SPAG16: variants seen among roughly 807,000 people sequenced by gnomAD.
SPAG16 encodes sperm associated antigen 16.
In SPAG16, 86 loss-of-function variants were observed where a neutral mutation model predicts 80.4. The observed-to-expected ratio is 1.07, with a 90% CI of 0.90 to 1.28. SPAG16 has a LOEUF of 1.28. Ranked by LOEUF, SPAG16 falls within the 50% of genes most tolerant of loss-of-function variation. The pLI, the probability that SPAG16 is intolerant of heterozygous loss-of-function variation, is 0.00. For missense variants in SPAG16, 870 were observed against 765.3 expected (o/e 1.14, Z -1.61); for synonymous variants, 294 against 265.9 (o/e 1.11, Z -1.03).
At chr2:214,238,102 T>C (rs572040126) in intron 15 of SPAG16, 12 of 393,974 alleles carry the variant, frequency 3.0e-5, no homozygotes, top group African/African-American at 2.3e-4. Context: ...CATTAACAAC[T>C]TTTAATTAAT....
At chr2:213,814,516 G>A (rs968326351) in intron 10 of SPAG16, among the ~76,000 whole-genome samples, 2 of 152,202 alleles carry the variant, frequency 1.3e-5, no homozygotes. Flanking sequence ...AATAGCCCAA[G>A]TGAAGTGGCT....
chr2:213,896,589 C>T (rs62191881), intron 11 of SPAG16, among the ~76,000 whole-genome samples: 38,337 of 83,634 alleles, frequency 0.46, 6,418 homozygotes, highest in South Asian at 0.67. Flanking sequence ...TACACACACA[C>T]ACGCACACAC....
chr2:213,585,896 T>C (rs2060455187), intron 10 of SPAG16, among the ~76,000 whole-genome samples: 1 of 152,180 alleles, frequency 6.6e-6, no homozygotes, highest in African/African-American at 2.4e-5. Context: ...CCAAAAAGAT[T>C]AAAAGGGACT....
chr2:213,915,560 G>T (rs982071002), intron 11 of SPAG16, among the ~76,000 whole-genome samples: 10 of 152,060 alleles, frequency 6.6e-5, no homozygotes, highest in Admixed American at 6.5e-4. Context: ...CCAAGTCTTT[G>T]CTATTGTGAA....
intron 12 of SPAG16, among the ~76,000 whole-genome samples, chr2:213,931,426 A>T (rs2078747298): frequency 6.6e-6 from 1 of 152,136 alleles, no homozygotes; most frequent in South Asian, 2.1e-4. Context: ...ATAATTCTTT[A>T]TTATATTTCT....
At position 214,182,715 on chromosome 2, in the gene SPAG16, A is replaced by C. The variant is rs943232537; in HGVS notation, c.1720+33449A>C. ...GGATAAAGACCAAAATAATTGCTCC[A>C]GTAGATTCTGTGGTTTTTATACTTG... On this transcript the variant is annotated intron_variant, in intron 15 of 15. Transcript: ENST00000331683. 2.0e-5 allele frequency among the ~76,000 whole-genome samples: 3 copies of C among 151,970 alleles called. No individual in the cohort carries two copies. In the East Asian group the frequency reaches 5.8e-4, roughly 29 times the overall value.
chr2:214,376,252 C>A (rs1700123723), intron 15 of SPAG16, among the ~76,000 whole-genome samples: 1 of 152,006 alleles, frequency 6.6e-6, no homozygotes, highest in African/African-American at 2.4e-5. Context: ...ATACCTGTCT[C>A]GTCTCAAATT....
intron 2 of SPAG16, 159 bp downstream of exon 2, chr2:213,296,269 G>A (rs1380825353): frequency 1.8e-6 from 1 of 546,606 alleles, no homozygotes; most frequent in East Asian, 3.0e-5. Flanking sequence ...TTAAGAATGA[G>A]ATGTGAAAAT....
At chr2:214,352,565 T>TGTGTGTGTGTGTGTGTGTGTGTGA (rs375089345) in intron 15 of SPAG16, among the ~76,000 whole-genome samples, 9,529 of 64,722 alleles carry the variant, frequency 0.15, 1,082 homozygotes, top group African/African-American at 0.25. Flanking sequence ...TCTCTGTGTG[T>TGTGTGTGTGTGTGTGTGTGTGTGA]GTGTGTGTGT....
At chr2:214,076,083 T>G (rs192020476) in intron 13 of SPAG16, among the ~76,000 whole-genome samples, 18 of 152,294 alleles carry the variant, frequency 1.2e-4, no homozygotes, top group African/African-American at 4.3e-4. Context: ...GAGTATATAT[T>G]TAAATGCAGA....
chr2:213,666,518 T>G (rs1240107911), intron 10 of SPAG16, among the ~76,000 whole-genome samples: 1 of 152,150 alleles, frequency 6.6e-6, no homozygotes, highest in African/African-American at 2.4e-5. Context: ...AACCTTTGCC[T>G]AACACCAGTG....
At chr2:214,315,558 G>A (rs1576759383) in intron 15 of SPAG16, among the ~76,000 whole-genome samples, 1 of 150,564 alleles carries the variant, frequency 6.6e-6, no homozygotes, top group Non-Finnish European at 1.5e-5. Flanking sequence ...TTGAAACAAG[G>A]TCTTGCTCTG....
intron 10 of SPAG16, among the ~76,000 whole-genome samples, chr2:213,609,690 C>T (rs1372232262): frequency 6.6e-6 from 1 of 152,312 alleles, no homozygotes; most frequent in East Asian, 1.9e-4. Flanking sequence ...ATTTCCTTTT[C>T]ACTCCAAACT....
chr2:213,318,869 C>G (rs10166250), intron 5 of SPAG16, among the ~76,000 whole-genome samples: 30,675 of 151,712 alleles, frequency 0.2, 3,882 homozygotes, highest in Non-Finnish European at 0.29. Flanking sequence ...TTTCTTCTAA[C>G]TTAAAAGAAA....
At chr2:213,572,980 G>A (rs530117160) in intron 10 of SPAG16, among the ~76,000 whole-genome samples, 4 of 152,128 alleles carry the variant, frequency 2.6e-5, no homozygotes, top group Admixed American at 6.5e-5. Flanking sequence ...CGCAATATTC[G>A]GGTGGGAGTG....
At chr2:213,553,971 A>G (rs200364233) in intron 10 of SPAG16, among the ~76,000 whole-genome samples, 48 of 152,122 alleles carry the variant, frequency 3.2e-4, no homozygotes, top group East Asian at 2.1e-3. Context: ...TACCAGTTCT[A>G]TTATCACCCT....
chr2:213,785,132 C>G (rs1421264278), intron 10 of SPAG16, among the ~76,000 whole-genome samples: 1 of 152,120 alleles, frequency 6.6e-6, no homozygotes, highest in Admixed American at 6.5e-5. Context: ...CTTTCACCCA[C>G]TCCTACTGCT....
chr2:213,649,813 C>T (rs1340405553), intron 10 of SPAG16, among the ~76,000 whole-genome samples: 3 of 152,042 alleles, frequency 2.0e-5, no homozygotes, highest in Non-Finnish European at 2.9e-5. Flanking sequence ...ACTCCTGCCT[C>T]AGCCTCTGAA....
At chr2:213,319,981 A>G (rs2126143960) in intron 5 of SPAG16, among the ~76,000 whole-genome samples, 1 of 152,130 alleles carries the variant, frequency 6.6e-6, no homozygotes, top group East Asian at 1.9e-4. Flanking sequence ...AAAATCTAAA[A>G]AATTAGACAA....
Sources: gnomAD v4.1 joint callset for allele counts (sites outside exome capture counted in the v4.1 genomes callset) on GRCh38, gnomAD v4.1.1 for gene constraint, MANE v1.5 for transcripts, NCBI Gene and HGNC (gene_info 2026-07-23, HGNC 2026-07-21) for gene names.